The following JAKMIP2 variants were observed in gnomAD, a reference collection of about 807,000 sequenced individuals.
JAKMIP2 encodes janus kinase and microtubule-interacting protein 2.
JAKMIP2 carries 25 observed loss-of-function variants against 115.0 expected under a neutral mutation model. The observed-to-expected ratio is 0.22, with a 90% CI of 0.16 to 0.30. The LOEUF (loss-of-function observed/expected upper bound fraction) is 0.30, where lower values mean the gene tolerates loss of function less well. Among genes scored for constraint, JAKMIP2 ranks in the 10% least tolerant of loss-of-function variants. The probability of loss-of-function intolerance (pLI) is 1.00; values close to 1 mark genes in which losing one functional copy is unlikely to be tolerated. For missense variants in JAKMIP2, 642 were observed against 957.6 expected, an observed-to-expected ratio of 0.67 and a Z score of 4.35; for synonymous variants, 334 against 343.6, an observed-to-expected ratio of 0.97 and a Z score of 0.31.
intron 2 of JAKMIP2, among the ~76,000 whole-genome samples, chr5:147,668,090 G>A (rs1469117629): frequency 6.6e-6 from 1 of 152,160 alleles, no homozygotes; most frequent in Non-Finnish European, 1.5e-5. Flanking sequence ...TGATGGTTGT[G>A]AGGCTCGATG....
chr5:147,750,421 ACT>A (rs1754505126), intron 1 of JAKMIP2, among the ~76,000 whole-genome samples: 1 of 152,050 alleles, frequency 6.6e-6, no homozygotes, highest in African/African-American at 2.4e-5. Flanking sequence ...CACATGTTAT[ACT>A]CACTTATTTA....
chr5:147,661,040 T>C lies in JAKMIP2; in HGVS notation c.535A>G (p.Ile179Val). The C allele has an allele frequency of 6.2e-7, 1 of 1,614,032 alleles. No homozygotes were observed. Among genetic ancestry groups the C allele is most frequent in the Non-Finnish European group, 8.5e-7 (1 of 1,180,022 alleles). The part of the protein sequence containing the change: ...ALSNMIQADK[I>V]KAGDLRSEHQ... ...TCACTCCGAAGGTCCCCAGCCTTGATTTTATCTGCTTGGATCATATTGCTC... is the reference window on the plus strand; with the variant it reads ...TCACTCCGAAGGTCCCCAGCCTTGACTTTATCTGCTTGGATCATATTGCTC... Residue 179 changes from isoleucine to valine, a missense_variant, in exon 3 of 22, where the codon ATC becomes GTC. Physicochemically the swap from Ile to Val is conservative, Grantham distance 29. Transcript: ENST00000616793.
chr5:147,721,992 A>T (rs1464119370), intron 1 of JAKMIP2, among the ~76,000 whole-genome samples: 1 of 152,130 alleles, frequency 6.6e-6, no homozygotes, highest in African/African-American at 2.4e-5. Context: ...AGTATTTCAA[A>T]ATAATTATGA....
At chr5:147,655,731 G>T (rs1758642442) in intron 3 of JAKMIP2, among the ~76,000 whole-genome samples, 1 of 152,038 alleles carries the variant, frequency 6.6e-6, no homozygotes, top group Admixed American at 6.5e-5. Context: ...CTTGTCTTCT[G>T]CTAGCTTTTG....
intron 1 of JAKMIP2, among the ~76,000 whole-genome samples, chr5:147,729,093 G>A (rs1403579453): frequency 1.4e-4 from 21 of 152,152 alleles, no homozygotes; most frequent in Admixed American, 1.3e-3. Flanking sequence ...AAGGGAGAAG[G>A]GAAGGAAGAG....
intron 5 of JAKMIP2, among the ~76,000 whole-genome samples, chr5:147,646,484 A>G (rs1284086117): frequency 6.6e-6 from 1 of 152,170 alleles, no homozygotes; most frequent in Non-Finnish European, 1.5e-5. Flanking sequence ...GCAGATATAC[A>G]TAAAGAAAAT....
chr5:147,629,378 A>G (rs1413070004), intron 15 of JAKMIP2, among the ~76,000 whole-genome samples: 1 of 152,150 alleles, frequency 6.6e-6, no homozygotes, highest in African/African-American at 2.4e-5. Context: ...GTGACTGATT[A>G]ATTTCACACT....
intron 1 of JAKMIP2, among the ~76,000 whole-genome samples, chr5:147,761,395 C>A (rs1754924438): frequency 6.6e-6 from 1 of 151,964 alleles, no homozygotes; most frequent in South Asian, 2.1e-4. Flanking sequence ...CCATTTTACA[C>A]ATGAGGAGTC....
At chr5:147,715,709 C>T (rs1580822822) in intron 1 of JAKMIP2, among the ~76,000 whole-genome samples, 1 of 151,610 alleles carries the variant, frequency 6.6e-6, no homozygotes, top group Non-Finnish European at 1.5e-5. Flanking sequence ...AGACCATAGT[C>T]GTAGTAGGAG....
chr5:147,640,412 T>C (rs1757826301), intron 9 of JAKMIP2, among the ~76,000 whole-genome samples: 1 of 152,154 alleles, frequency 6.6e-6, no homozygotes. Context: ...TGCTAAGGCC[T>C]CTTGGGTTCC....
rs555969290 is a variant in JAKMIP2, at chr5:147,594,430, G to T, written c.*21-2744C>A. ...TCTCACTGCAGCATCGACCTCTGGG[G>T]CTTAAGCCATCCTTGCACTTCAGCC... is the stretch of plus-strand genomic sequence containing the variant. On this transcript the variant is annotated intron_variant, in intron 21 of 21. Transcript: ENST00000616793. The T allele has an allele frequency of 3.5e-5, 16 of 455,544 alleles. No homozygotes were observed. In the East Asian group the frequency reaches 1.0e-3, roughly 30 times the overall value. 28.2% of individuals were successfully genotyped at this position (455,544 alleles called of 1,614,324 possible). A position where few individuals can be genotyped will look rare whatever the true frequency, so the allele number is the denominator to read the frequency against.
chr5:147,758,824 G>C (rs1754834628), intron 1 of JAKMIP2, among the ~76,000 whole-genome samples: 1 of 152,160 alleles, frequency 6.6e-6, no homozygotes, highest in South Asian at 2.1e-4. Context: ...AACTAAGTCA[G>C]AAAACAGCAA....
chr5:147,610,394 T>C (rs1400805902), intron 20 of JAKMIP2, among the ~76,000 whole-genome samples: 1 of 152,214 alleles, frequency 6.6e-6, no homozygotes, highest in East Asian at 1.9e-4. Flanking sequence ...TTCATTGATG[T>C]TGATGCTATT....
intron 1 of JAKMIP2, among the ~76,000 whole-genome samples, chr5:147,744,661 T>G (rs1393992547): frequency 1.3e-5 from 2 of 152,132 alleles, no homozygotes; most frequent in African/African-American, 4.8e-5. Flanking sequence ...GGTAAAAAAA[T>G]TAAAGATTGG....
chr5:147,714,996 T>C (rs1481634589), intron 1 of JAKMIP2, among the ~76,000 whole-genome samples: 3 of 152,172 alleles, frequency 2.0e-5, no homozygotes, highest in African/African-American at 4.8e-5. Context: ...TATGAAAATA[T>C]ACATAATTAT....
At chr5:147,732,267 C>A (rs1649441835) in intron 1 of JAKMIP2, among the ~76,000 whole-genome samples, 1 of 152,180 alleles carries the variant, frequency 6.6e-6, no homozygotes, top group South Asian at 2.1e-4. Context: ...TAAATGGCAT[C>A]TAAGAAAGCA....
intron 1 of JAKMIP2, among the ~76,000 whole-genome samples, chr5:147,720,644 C>T (rs1186608629): frequency 1.8e-4 from 27 of 152,238 alleles, no homozygotes; most frequent in African/African-American, 5.8e-4. Context: ...ATGGCATTGG[C>T]TCCTGAGGCT....
chr5:147,610,703 T>C (rs1756272242), intron 20 of JAKMIP2, among the ~76,000 whole-genome samples: 1 of 152,152 alleles, frequency 6.6e-6, no homozygotes, highest in Non-Finnish European at 1.5e-5. Flanking sequence ...TCACAGAGCT[T>C]GAGCGCTATG....
chr5:147,697,131 G>A (rs546398336), intron 1 of JAKMIP2, among the ~76,000 whole-genome samples: 1 of 152,166 alleles, frequency 6.6e-6, no homozygotes, highest in African/African-American at 2.4e-5. Flanking sequence ...AAACATACCT[G>A]AGACTGGGAA....
Sources: allele counts gnomAD v4.1 joint callset (sites outside exome capture counted in the v4.1 genomes callset), GRCh38; gene constraint gnomAD v4.1.1; transcripts MANE v1.5; gene names NCBI Gene and HGNC (gene_info 2026-07-23, HGNC 2026-07-21).